Variants in LCK observed in about 807,000 individuals in gnomAD.
LCK encodes tyrosine-protein kinase Lck.
Under a neutral mutation model 64.6 loss-of-function variants are expected in LCK, and 14 were observed. That is an observed-to-expected ratio of 0.22 (90% CI 0.14 to 0.34). The LOEUF (loss-of-function observed/expected upper bound fraction) is 0.34, where lower values mean the gene tolerates loss of function less well. Among genes scored for constraint, LCK ranks in the 10% least tolerant of loss-of-function variants. The probability of loss-of-function intolerance (pLI) is 1.00; values close to 1 mark genes in which losing one functional copy is unlikely to be tolerated. For missense variants in LCK, 434 were observed against 668.1 expected, an observed-to-expected ratio of 0.65 and a Z score of 3.86; for synonymous variants, 277 against 263.6, an observed-to-expected ratio of 1.05 and a Z score of -0.49.
chr1:32,280,201 C>T lies in LCK; in HGVS notation c.1318C>T (p.Pro440Ser), dbSNP rs1318678254. The T allele has an allele frequency of 6.2e-7, 1 of 1,613,986 alleles. No individual in the cohort carries two copies. Among genetic ancestry groups the T allele is most frequent in the Non-Finnish European group, 8.5e-7 (1 of 1,180,024 alleles). ...GGAAATTGTCACCCACGGCCGCATC[C>T]CTTACCCAGGTTAGAGCCAAGGGCA... The part of the protein sequence containing the change: ...LTEIVTHGRI[P>S]YPGMTNPEVI... The change falls in exon 12 of 13, where the codon CCT becomes TCT. Residue 440 changes from proline (P) to serine (S), a missense_variant. Pro to Ser is a moderately conservative substitution (Grantham distance 74). Coordinates refer to ENST00000336890, the MANE Select transcript of LCK (RefSeq NM_005356.5).
rs10656936 is a variant in LCK, at chr1:32,259,289, T to TA, written c.-6+7931dup. On this transcript the variant is annotated intron_variant, in intron 1 of 12. Coordinates refer to ENST00000336890, the MANE Select transcript of LCK (RefSeq NM_005356.5). ...GCCCTCTCATTCACAGCTTCTCAGGTAAAAAAAAAAAAAGAAAAAGAAAAA... is the reference window on the plus strand; with the variant it reads ...GCCCTCTCATTCACAGCTTCTCAGGTAAAAAAAAAAAAAAGAAAAAGAAAAA... Among the ~76,000 whole-genome samples the TA allele has an allele frequency of 1.0e-4, 13 of 124,174 alleles. 1 individual carries two copies. Among genetic ancestry groups the TA allele is most frequent in the East Asian group, 2.3e-4 (1 of 4,378 alleles). The allele number at this position is 124,174 out of a possible 152,430, so 81.5% of individuals were successfully genotyped here.
intron 1 of LCK, among the ~76,000 whole-genome samples, chr1:32,266,869 C>T (rs1429015065): frequency 7.6e-6 from 1 of 130,784 alleles, no homozygotes; most frequent in Non-Finnish European, 1.6e-5. Flanking sequence ...CCATCTCTCC[C>T]TTCCTCCTAT....
chr1:32,273,925 A>C (rs1640177544), intron 1 of LCK, among the ~76,000 whole-genome samples: 1 of 152,066 alleles, frequency 6.6e-6, no homozygotes, highest in Non-Finnish European at 1.5e-5. Flanking sequence ...AGGGTCTGAT[A>C]AGTCAGGTCT....
intron 1 of LCK, among the ~76,000 whole-genome samples, chr1:32,253,541 C>A (rs532073997): frequency 6.6e-6 from 1 of 152,300 alleles, no homozygotes; most frequent in East Asian, 1.9e-4. Flanking sequence ...CTCGGCCCCC[C>A]AAAGTGCTGG....
At chr1:32,259,664 G>A (rs567198592) in intron 1 of LCK, among the ~76,000 whole-genome samples, 1 of 151,604 alleles carries the variant, frequency 6.6e-6, no homozygotes, top group South Asian at 2.1e-4. Context: ...AATAATAATA[G>A]CCAGGCGTGG....
At chr1:32,268,766 T>C (rs1049229271) in intron 1 of LCK, among the ~76,000 whole-genome samples, 1 of 145,922 alleles carries the variant, frequency 6.9e-6, no homozygotes, top group African/African-American at 2.6e-5. Flanking sequence ...TGGGCCGAGA[T>C]CGTGCCATTG....
intron 1 of LCK, among the ~76,000 whole-genome samples, chr1:32,255,582 TC>T (rs1338909221): frequency 7.9e-5 from 12 of 152,280 alleles, no homozygotes; most frequent in Non-Finnish European, 1.2e-4. Flanking sequence ...AGTGTTGCTG[TC>T]ATGTGCGGCC....
intron 1 of LCK, among the ~76,000 whole-genome samples, chr1:32,258,479 T>TA (rs79944630): frequency 0.092 from 11,271 of 122,840 alleles, 690 homozygotes; most frequent in South Asian, 0.24. Flanking sequence ...TCCATCTCTT[T>TA]AAAAAAAAAA....
Position 32,276,213 on chromosome 1 carries a change from G to T in LCK, c.632-124G>T. Reference sequence around the variant, plus strand: ...TGACCCTACGGCCCCAAGTGTTTGGGTGACAGCCCCACACCCCCTTGCTAG... The same window carrying T: ...TGACCCTACGGCCCCAAGTGTTTGGTTGACAGCCCCACACCCCCTTGCTAG... On this transcript the variant is annotated intron_variant, in intron 7 of 12. Transcript: ENST00000336890. The surrounding 1 kb of genome is among the most constrained non-coding windows in gnomAD (Gnocchi z 4.6). The T allele has an allele frequency of 6.9e-7, 1 of 1,458,700 alleles. No individual in the cohort carries two copies. Among genetic ancestry groups the T allele is most frequent in the Non-Finnish European group, 9.2e-7 (1 of 1,086,074 alleles). The allele number at this position is 1,458,700 out of a possible 1,614,324, so 90.4% of individuals were successfully genotyped here. A position where few individuals can be genotyped will look rare whatever the true frequency, so the allele number is the denominator to read the frequency against.
chr1:32,261,530 C>G (rs983501671), intron 1 of LCK, among the ~76,000 whole-genome samples: 2 of 150,138 alleles, frequency 1.3e-5, no homozygotes, highest in Admixed American at 1.3e-4. Context: ...ACTGTAATCC[C>G]AGCTACTTGG....
At chr1:32,284,765 A>C (rs1374301515) in intron 12 of LCK, among the ~76,000 whole-genome samples, 1 of 152,228 alleles carries the variant, frequency 6.6e-6, no homozygotes, top group East Asian at 1.9e-4. Flanking sequence ...TTTTCCAAAT[A>C]AGGAAACTGG....
chr1:32,284,576 G>A (rs1404882441), intron 12 of LCK, among the ~76,000 whole-genome samples: 1 of 151,708 alleles, frequency 6.6e-6, no homozygotes, highest in Non-Finnish European at 1.5e-5. Context: ...TGCCATGTTG[G>A]TCAGGCTGGT....
chr1:32,285,865 T>G lies in LCK; in HGVS notation c.*149T>G. The G allele has an allele frequency of 1.3e-6, 1 of 762,684 alleles. No homozygotes were observed. Among genetic ancestry groups the G allele is most frequent in the Non-Finnish European group, 2.1e-6 (1 of 467,208 alleles). 47.2% of individuals were successfully genotyped at this position (762,684 alleles called of 1,614,324 possible). Reference sequence around the variant, plus strand: ...ATGTGACACATATGCACCTTGTGTCTGTACACGTGTCCTGTAGTTGCGTGG... The same window carrying G: ...ATGTGACACATATGCACCTTGTGTCGGTACACGTGTCCTGTAGTTGCGTGG... On this transcript the variant is annotated 3_prime_UTR_variant, in exon 13 of 13. Coordinates refer to ENST00000336890, the MANE Select transcript of LCK (RefSeq NM_005356.5).
intron 1 of LCK, among the ~76,000 whole-genome samples, chr1:32,259,645 A>G (rs941164740): frequency 5.3e-5 from 8 of 150,880 alleles, no homozygotes; most frequent in African/African-American, 1.7e-4. Flanking sequence ...TAATAATAAT[A>G]ATAATGATAA....
rs1640220230 is a variant in LCK at position 32,275,188 on chromosome 1, T to C, written c.278+105T>C. The C allele has an allele frequency of 6.8e-7, 1 of 1,462,552 alleles. No homozygotes were observed. Among genetic ancestry groups the C allele is most frequent in the Non-Finnish European group, 9.5e-7 (1 of 1,052,070 alleles). The allele number at this position is 1,462,552 out of a possible 1,614,324, so 90.6% of individuals were successfully genotyped here. A position where few individuals can be genotyped will look rare whatever the true frequency, so the allele number is the denominator to read the frequency against. ...TTGACCAGCTCGGGGTGGCCGCCCT[T>C]GGGACAAAATTCGAGGCTCAGTATT... On this transcript the variant is annotated intron_variant, in intron 4 of 12. Coordinates refer to ENST00000336890, the MANE Select transcript of LCK (RefSeq NM_005356.5). The surrounding 1 kb of genome is among the most constrained non-coding windows in gnomAD (Gnocchi z 6.9).
intron 1 of LCK, among the ~76,000 whole-genome samples, chr1:32,254,637 C>G (rs1264089628): frequency 6.6e-6 from 1 of 152,108 alleles, no homozygotes; most frequent in Non-Finnish European, 1.5e-5. Flanking sequence ...CTCAGCCTCC[C>G]GAGTAGCTGG....
At position 32,279,662 on chromosome 1, in the gene LCK, T is replaced by G. The variant is rs748428158; in HGVS notation, c.965-9T>G. On this transcript the variant is annotated splice_polypyrimidine_tract_variant and intron_variant, in intron 9 of 12. Coordinates refer to ENST00000336890, the MANE Select transcript of LCK (RefSeq NM_005356.5). ...AACTTGGGCCAGCAACTCTTGCTTC[T>G]GCCCACAGGGAGTCTAGTGGATTTT... The G allele has an allele frequency of 2.5e-6, 4 of 1,613,892 alleles. No individual in the cohort carries two copies. Among genetic ancestry groups the G allele is most frequent in the Non-Finnish European group, 3.4e-6 (4 of 1,179,886 alleles).
In LCK at chr1:32,262,839, T is replaced by C. The variant is rs536759112; in HGVS notation, c.-6+11468T>C. 2.7e-5 allele frequency among the ~76,000 whole-genome samples: 4 copies of C among 146,808 alleles called. No homozygotes were observed. In the East Asian group the frequency reaches 8.1e-4, roughly 30 times the overall value. On this transcript the variant is annotated intron_variant, in intron 1 of 12. Coordinates refer to ENST00000336890, the MANE Select transcript of LCK (RefSeq NM_005356.5). Reference sequence around the variant, plus strand: ...TTAAAGCTTAATATAAATTTCTCATTGTCTGAAAGAAAGAAGTGGAGGAAG... The same window carrying C: ...TTAAAGCTTAATATAAATTTCTCATCGTCTGAAAGAAAGAAGTGGAGGAAG...
rs75530314 is a variant in LCK at position 32,279,394 on chromosome 1, T to C, written c.965-277T>C. ...GAGAAGAAGCTACCAGTGTGGACCA[T>C]GCCAAGCTTAGGATACTAGTTGAGG... On this transcript the variant is annotated intron_variant, in intron 9 of 12. Transcript: ENST00000336890. Among the ~76,000 whole-genome samples the C allele has an allele frequency of 2.2e-3, 340 of 152,208 alleles. 1 individual carries two copies. Among genetic ancestry groups the C allele is most frequent in the African/African-American group, 8.0e-3 (331 of 41,526 alleles).
Sources: allele counts gnomAD v4.1 joint callset (sites outside exome capture counted in the v4.1 genomes callset), GRCh38; gene constraint gnomAD v4.1.1; non-coding constraint Gnocchi (gnomAD v3.1); transcripts MANE v1.5; gene names NCBI Gene and HGNC (gene_info 2026-07-23, HGNC 2026-07-21).